Variants in EIF2AK4 observed in about 807,000 individuals in gnomAD.
EIF2AK4 encodes eIF-2-alpha kinase GCN2.
Under a neutral mutation model 211.1 loss-of-function variants are expected in EIF2AK4, and 139 were observed. That is an observed-to-expected ratio of 0.66 (90% CI 0.57 to 0.76). EIF2AK4 has a LOEUF of 0.76. Ranked by LOEUF, EIF2AK4 falls within the 30% of genes least tolerant of loss-of-function variation. The pLI is 0.00. For synonymous variants in EIF2AK4, 710 were observed against 751.3 expected (o/e 0.94, Z 0.90); for missense variants, 1,664 against 2,043.8 (o/e 0.81, Z 3.58).
chr15:39,976,454 G>A lies in EIF2AK4; in HGVS notation c.1859G>A (p.Arg620His), dbSNP rs1325109503. The change falls in exon 12 of 39, where the codon CGC (arginine) becomes CAC (histidine). Residue 620 changes from arginine (R) to histidine (H), a missense_variant. This residue lies in a region of EIF2AK4 where 37 missense variants were observed against 84.0 expected (regional missense o/e 0.44). Coordinates refer to ENST00000263791, the MANE Select transcript of EIF2AK4 (RefSeq NM_001013703.4). ...GACGGCTGCTGCTACGCAGTGAAGCGCATCCCCATCAACCCGGCCAGCCGG... is the reference window on the plus strand; with the variant it reads ...GACGGCTGCTGCTACGCAGTGAAGCACATCCCCATCAACCCGGCCAGCCGG... ...KLDGCCYAVK[R>H]IPINPASRQF... 3 of 1,609,482 alleles carry A rather than the reference G, an allele frequency of 1.9e-6. No homozygotes were observed. Among genetic ancestry groups the A allele is most frequent in the Non-Finnish European group, 2.5e-6 (3 of 1,178,758 alleles).
In EIF2AK4 at chr15:39,961,772, T is replaced by A. The variant is rs749274898; in HGVS notation, c.744-12T>A. 105 of 1,595,810 alleles carry A rather than the reference T, an allele frequency of 6.6e-5. No individual in the cohort carries two copies. Among genetic ancestry groups the A allele is most frequent in the Non-Finnish European group, 2.1e-5 (25 of 1,166,968 alleles). On this transcript the variant is annotated splice_polypyrimidine_tract_variant and intron_variant, in intron 6 of 38. Coordinates refer to ENST00000263791, the MANE Select transcript of EIF2AK4 (RefSeq NM_001013703.4). ...TGATTGTTCAAATGTATTGTTCAAA[T>A]TTATTTTTAAGGCGAGAACGTCAGT...
At chr15:39,981,653 TC>T (rs1257637520) in intron 13 of EIF2AK4, among the ~76,000 whole-genome samples, 1 of 152,008 alleles carries the variant, frequency 6.6e-6, no homozygotes, top group African/African-American at 2.4e-5. Context: ...AAAAAATTCT[TC>T]CTCAGAAAAA....
chr15:39,969,108 C>T (rs1048680831), intron 9 of EIF2AK4, among the ~76,000 whole-genome samples: 6 of 152,184 alleles, frequency 3.9e-5, no homozygotes, highest in Non-Finnish European at 8.8e-5. Context: ...TGGAAAGTTT[C>T]ATTTCCATCT....
chr15:39,982,642 C>T (rs1463250419), intron 13 of EIF2AK4, among the ~76,000 whole-genome samples: 1 of 151,328 alleles, frequency 6.6e-6, no homozygotes, highest in East Asian at 1.9e-4. Context: ...GGTTGCTGCA[C>T]CCATTAACTT....
At chr15:39,961,531 A>C (rs962868788) in intron 6 of EIF2AK4, among the ~76,000 whole-genome samples, 6 of 152,148 alleles carry the variant, frequency 3.9e-5, no homozygotes, top group Admixed American at 1.3e-4. Flanking sequence ...ACCTCGAGTT[A>C]GGGGTTTGTG....
At chr15:40,019,484 A>G (rs1055537962) in intron 30 of EIF2AK4, among the ~76,000 whole-genome samples, 1 of 152,136 alleles carries the variant, frequency 6.6e-6, no homozygotes, top group Non-Finnish European at 1.5e-5. Context: ...ACCGGGCCGC[A>G]CAGCAGGAGG....
At chr15:39,964,752 G>C (rs1282599565) in intron 7 of EIF2AK4, among the ~76,000 whole-genome samples, 1 of 152,146 alleles carries the variant, frequency 6.6e-6, no homozygotes, top group Non-Finnish European at 1.5e-5. Flanking sequence ...TGGTGTTACA[G>C]AAATTTAGCT....
At chr15:40,016,789 C>T in intron 28 of EIF2AK4, 117 bp downstream of exon 28, 1 of 1,331,244 alleles carries the variant, frequency 7.5e-7, no homozygotes, top group South Asian at 1.5e-5. Context: ...AGAAAAACTG[C>T]TTTCTGTGTT....
chr15:40,006,962 A>G (rs192873405), intron 23 of EIF2AK4, 54 bp from the exon 24 acceptor site: 35 of 1,385,292 alleles, frequency 2.5e-5, no homozygotes, highest in African/African-American at 2.0e-4. Context: ...TAAAGCCGCT[A>G]TTAACAAAAG....
chr15:39,987,865 C>T, intron 14 of EIF2AK4, 118 bp from the exon 15 acceptor site: 1 of 1,173,800 alleles, frequency 8.5e-7, no homozygotes, highest in Non-Finnish European at 1.2e-6. Context: ...AAGTCTTTCC[C>T]CTAACCGTTT....
In EIF2AK4 at chr15:39,996,980, G is replaced by A; in HGVS notation, c.2783G>A (p.Ser928Asn). Residue 928 changes from serine to asparagine, a missense_variant, in exon 19 of 39, where the codon AGC becomes AAC. Around this residue, in one of 7 missense-constraint regions of EIF2AK4, gnomAD observed 622 missense variants for 796.8 expected, o/e 0.78. Transcript: ENST00000263791. ...CCCCCTCAGAAAGTGGATCTCTTCA[G>A]CCTGGGAATTATCTTCTTTGAGATG... ...SAYNQKVDLFSLGIIFFEMSY... is the reference protein window; with the variant it reads ...SAYNQKVDLFNLGIIFFEMSY... 1.9e-6 allele frequency: 3 copies of A among 1,613,700 alleles called. No individual in the cohort carries two copies. The highest frequency in any genetic ancestry group is 2.5e-6 in the Non-Finnish European group (3 of 1,179,704).
chr15:39,941,503 C>T (rs2034144072), intron 2 of EIF2AK4, among the ~76,000 whole-genome samples: 1 of 151,824 alleles, frequency 6.6e-6, no homozygotes, highest in Admixed American at 6.6e-5. Context: ...TTTTATTATA[C>T]CATAGCCTCA....
intron 37 of EIF2AK4, 38 bp from the exon 38 acceptor site, chr15:40,034,288 A>C: frequency 1.9e-6 from 3 of 1,551,094 alleles, no homozygotes; most frequent in Non-Finnish European, 2.7e-6. Context: ...AGTAAACCCT[A>C]GAGACCTGTT....
At chr15:39,975,227 G>T (rs2140917671) in intron 11 of EIF2AK4, 1 of 104,142 alleles carries the variant, frequency 9.6e-6, no homozygotes, top group Non-Finnish European at 2.1e-5. Flanking sequence ...CTCAGAGAAG[G>T]TTATGTCCTT....
intron 27 of EIF2AK4, among the ~76,000 whole-genome samples, chr15:40,014,173 G>A (rs940068819): frequency 5.9e-5 from 9 of 152,234 alleles, no homozygotes; most frequent in African/African-American, 2.2e-4. Context: ...GGCTCCCATG[G>A]CCTTGGGCAG....
chr15:40,032,828 G>T (rs2035561292), intron 37 of EIF2AK4, 27 bp downstream of exon 37: 8 of 1,592,752 alleles, frequency 5.0e-6, no homozygotes, highest in Non-Finnish European at 5.1e-6. Context: ...CTTCTGCACT[G>T]TGGCCTTTAA....
chr15:39,945,535 A>G (rs1375340894), intron 3 of EIF2AK4, among the ~76,000 whole-genome samples: 1 of 152,238 alleles, frequency 6.6e-6, no homozygotes, highest in Non-Finnish European at 1.5e-5. Flanking sequence ...CATCTTCATA[A>G]CATAAAAGTG....
chr15:40,001,283 C>A, intron 21 of EIF2AK4, 59 bp downstream of exon 21: 1 of 1,525,920 alleles, frequency 6.6e-7, no homozygotes, highest in South Asian at 1.1e-5. Flanking sequence ...AGGATCAAGC[C>A]AGTTTCTCAC....
In EIF2AK4 at chr15:40,032,224, T is replaced by C. The variant is rs746601333; in HGVS notation, c.4715T>C (p.Ile1572Thr). Residue 1572 changes from isoleucine (I) to threonine (T), a missense_variant, in exon 36 of 39, where the codon ATT becomes ACT. Coordinates refer to ENST00000263791, the MANE Select transcript of EIF2AK4 (RefSeq NM_001013703.4). ...LANLHQKSSE[I>T]EILAVDLPKE... ...AACTTACATCAGAAAAGCAGTGAAA[T>C]TGAAATTCTGGCTGTAAGTGGCTTT... 15 of 1,614,080 alleles carry C rather than the reference T, an allele frequency of 9.3e-6. No homozygotes were observed. In the African/African-American group the frequency reaches 9.3e-5, roughly 10 times the overall value.
Sources: allele counts gnomAD v4.1 joint callset (sites outside exome capture counted in the v4.1 genomes callset), GRCh38; gene constraint gnomAD v4.1.1; regional missense constraint gnomAD v4.1.1; transcripts MANE v1.5; gene names NCBI Gene and HGNC (gene_info 2026-07-23, HGNC 2026-07-21).